ASAP1: variants seen among roughly 807,000 people sequenced by gnomAD.
ASAP1 encodes the protein arf-GAP with SH3 domain, ANK repeat and PH domain-containing protein 1.
A neutral mutation model predicts 145.2 loss-of-function variants in ASAP1; 43 were observed. The ratio of observed to expected loss-of-function variants is 0.30; its 90% CI spans 0.23 to 0.38. The LOEUF (loss-of-function observed/expected upper bound fraction) is 0.38, where lower values mean the gene tolerates loss of function less well. Ranked by LOEUF, ASAP1 falls within the 10% of genes least tolerant of loss-of-function variation. The probability of loss-of-function intolerance (pLI) is 1.00; values close to 1 mark genes in which losing one functional copy is unlikely to be tolerated. For missense variants in ASAP1, 1,018 were observed against 1,355.3 expected, an observed-to-expected ratio of 0.75 and a Z score of 3.91; for synonymous variants, 546 against 515.5, an observed-to-expected ratio of 1.06 and a Z score of -0.80.
intron 3 of ASAP1, among the ~76,000 whole-genome samples, chr8:130,269,748 G>A (rs1464586287): frequency 6.6e-6 from 1 of 152,184 alleles, no homozygotes; most frequent in Non-Finnish European, 1.5e-5. Flanking sequence ...ACAGGCCTCT[G>A]GATTCATGCA....
rs191419632 is a variant in ASAP1 at position 130,345,640 on chromosome 8, G to T, written c.186+12377C>A. Among the ~76,000 whole-genome samples the T allele has an allele frequency of 1.9e-3, 293 of 152,312 alleles. 1 individual carries two copies. The highest frequency in any genetic ancestry group is 3.2e-4 in the Non-Finnish European group (22 of 68,032). ...CTCCCTCAGGTACTAGCAGGGTAAT[G>T]TGAGAGTTTGAAACAGCCTATGTAA... On this transcript the variant is annotated intron_variant, in intron 3 of 29. Transcript: ENST00000518721.
At chr8:130,252,756 T>C (rs1819278923) in intron 3 of ASAP1, among the ~76,000 whole-genome samples, 1 of 152,150 alleles carries the variant, frequency 6.6e-6, no homozygotes, top group Admixed American at 6.5e-5. Flanking sequence ...AGTCCCATTC[T>C]TGGGAAAATA....
intron 3 of ASAP1, among the ~76,000 whole-genome samples, chr8:130,285,037 A>G (rs1054059438): frequency 2.0e-5 from 3 of 152,198 alleles, no homozygotes; most frequent in African/African-American, 7.2e-5. Flanking sequence ...AGTAAAGGCC[A>G]GTCTCTAATA....
At chr8:130,207,888 A>C (rs978915580) in intron 5 of ASAP1, among the ~76,000 whole-genome samples, 1 of 152,218 alleles carries the variant, frequency 6.6e-6, no homozygotes, top group Admixed American at 6.5e-5. Flanking sequence ...GGAAGAAATT[A>C]GAAAACCTAT....
intron 1 of ASAP1, among the ~76,000 whole-genome samples, chr8:130,421,203 A>C (rs182283766): frequency 4.7e-4 from 72 of 152,304 alleles, no homozygotes; most frequent in African/African-American, 1.3e-3. Flanking sequence ...ACAACAACAA[A>C]AAAATCACAG....
intron 3 of ASAP1, among the ~76,000 whole-genome samples, chr8:130,265,801 T>A (rs1029786010): frequency 6.6e-6 from 1 of 152,046 alleles, no homozygotes; most frequent in African/African-American, 2.4e-5. Flanking sequence ...CATCTGGGCC[T>A]GGGAGGTCGA....
chr8:130,384,450 T>C (rs777042236), intron 2 of ASAP1, among the ~76,000 whole-genome samples: 39 of 152,120 alleles, frequency 2.6e-4, no homozygotes, highest in African/African-American at 3.6e-4. Context: ...AAGTGGGACA[T>C]TGGGAGTCAG....
At position 130,358,071 on chromosome 8, in the gene ASAP1, G is replaced by A. The variant is rs1168151512; in HGVS notation, c.132C>T (p.Ser44=). ...AGTTGTGCAGCCGCGTGGTGAAGCTGGACGTGGTGGGCGAGTTGTAGTCCT... is the reference window on the plus strand; with the variant it reads ...AGTTGTGCAGCCGCGTGGTGAAGCTAGACGTGGTGGGCGAGTTGTAGTCCT... ...TTEDYNSPTT[S]SFTTRLHNCR... The change falls in exon 3 of 30, where the codon TCC becomes TCT. Residue 44 remains serine, a synonymous_variant. Coordinates refer to ENST00000518721, the MANE Select transcript of ASAP1 (RefSeq NM_018482.4). The surrounding 1 kb of genome is among the most constrained non-coding windows in gnomAD (Gnocchi z 4.1). 9 of 1,611,084 alleles carry A rather than the reference G, an allele frequency of 5.6e-6. No homozygotes were observed. Among genetic ancestry groups the A allele is most frequent in the East Asian group, 4.5e-5 (2 of 44,802 alleles).
chr8:130,325,357 G>A (rs1035119356), intron 3 of ASAP1, among the ~76,000 whole-genome samples: 1 of 152,186 alleles, frequency 6.6e-6, no homozygotes, highest in Non-Finnish European at 1.5e-5. Flanking sequence ...TTCAAACAGT[G>A]CACAGTGAGA....
At chr8:130,080,768 G>C (rs960168928) in intron 25 of ASAP1, among the ~76,000 whole-genome samples, 17 of 152,086 alleles carry the variant, frequency 1.1e-4, no homozygotes, top group Non-Finnish European at 2.5e-4. Flanking sequence ...GAGTAGCTGG[G>C]ACTACAGGCA....
chr8:130,160,096 C>T, intron 11 of ASAP1, 132 bp from the exon 12 acceptor site: 1 of 733,954 alleles, frequency 1.4e-6, no homozygotes, highest in South Asian at 1.7e-5. Flanking sequence ...CTGTCAGGTC[C>T]TTTCCTTTAT....
intron 27 of ASAP1, among the ~76,000 whole-genome samples, chr8:130,072,934 G>C (rs988069792): frequency 6.6e-6 from 1 of 150,622 alleles, no homozygotes; most frequent in Admixed American, 6.6e-5. Flanking sequence ...ACTGGTGTCT[G>C]CTGCTTGGTG....
At chr8:130,279,266 TA>T (rs1821112059) in intron 3 of ASAP1, among the ~76,000 whole-genome samples, 1 of 152,154 alleles carries the variant, frequency 6.6e-6, no homozygotes, top group Admixed American at 6.5e-5. Context: ...TTTCCTCATG[TA>T]AGGTCTGAAT....
intron 7 of ASAP1, among the ~76,000 whole-genome samples, chr8:130,182,814 T>C (rs1398282964): frequency 6.9e-4 from 18 of 26,184 alleles, no homozygotes; most frequent in African/African-American, 1.9e-3. Flanking sequence ...AAACAAGAAA[T>C]AGAAACTATA....
chr8:130,389,852 T>C (rs1828192550), intron 2 of ASAP1, among the ~76,000 whole-genome samples: 1 of 152,192 alleles, frequency 6.6e-6, no homozygotes. Context: ...AGGTGTGTGC[T>C]ACTATGCCCA....
At chr8:130,228,321 T>C (rs1187763252) in intron 4 of ASAP1, among the ~76,000 whole-genome samples, 1 of 152,064 alleles carries the variant, frequency 6.6e-6, no homozygotes, top group Non-Finnish European at 1.5e-5. Flanking sequence ...GGAAAAAGCA[T>C]CACCCTCAAA....
chr8:130,074,234 G>C (rs946280460), intron 27 of ASAP1, among the ~76,000 whole-genome samples: 1 of 152,058 alleles, frequency 6.6e-6, no homozygotes. Context: ...TAATAGAATT[G>C]CGTATGTATG....
intron 29 of ASAP1, among the ~76,000 whole-genome samples, chr8:130,055,301 A>G (rs1052193308): frequency 3.3e-5 from 5 of 151,980 alleles, no homozygotes; most frequent in African/African-American, 1.2e-4. Flanking sequence ...AAAAAAGAAA[A>G]AAAAAAAAAA....
chr8:130,073,816 C>T (rs1386433634), intron 27 of ASAP1, among the ~76,000 whole-genome samples: 2 of 152,124 alleles, frequency 1.3e-5, no homozygotes, highest in African/African-American at 4.8e-5. Flanking sequence ...GTGTACACCT[C>T]GTGATAGAAC....
Sources: gnomAD v4.1 joint callset for allele counts (sites outside exome capture counted in the v4.1 genomes callset) on GRCh38, gnomAD v4.1.1 for gene constraint, Gnocchi (gnomAD v3.1) non-coding constraint, MANE v1.5 for transcripts, NCBI Gene and HGNC (gene_info 2026-07-23, HGNC 2026-07-21) for gene names.